MAGI1: variants seen among roughly 807,000 people sequenced by gnomAD.
The protein encoded by MAGI1 is membrane-associated guanylate kinase, WW and PDZ domain-containing protein 1.
A neutral mutation model predicts 139.9 loss-of-function variants in MAGI1; 58 were observed. The ratio of observed to expected loss-of-function variants is 0.41; its 90% CI spans 0.34 to 0.52. The LOEUF (loss-of-function observed/expected upper bound fraction) is 0.52. Among genes scored for constraint, MAGI1 ranks in the 20% least tolerant of loss-of-function variants. The pLI is 0.12. For synonymous variants in MAGI1, 812 were observed against 737.9 expected (o/e 1.10, Z -1.63); for missense variants, 1,874 against 1,901.6 (o/e 0.99, Z 0.27).
chr3:65,781,103 G>C (rs1357156774), intron 1 of MAGI1, among the ~76,000 whole-genome samples: 1 of 152,082 alleles, frequency 6.6e-6, no homozygotes, highest in Non-Finnish European at 1.5e-5. Flanking sequence ...GGCTGAGGCA[G>C]GAGAATTGCT....
chr3:65,672,655 T>C (rs2086935097), intron 1 of MAGI1, among the ~76,000 whole-genome samples: 1 of 152,184 alleles, frequency 6.6e-6, no homozygotes, highest in Non-Finnish European at 1.5e-5. Flanking sequence ...TGTCCTGGAT[T>C]ATGAAACCAC....
intron 12 of MAGI1, among the ~76,000 whole-genome samples, chr3:65,409,302 G>A (rs565303917): frequency 3.3e-4 from 50 of 152,308 alleles, no homozygotes; most frequent in African/African-American, 1.1e-3. Flanking sequence ...AGAGAAGGGA[G>A]CACTGTTGCT....
At chr3:65,563,385 G>T (rs1166902001) in intron 2 of MAGI1, among the ~76,000 whole-genome samples, 1 of 152,194 alleles carries the variant, frequency 6.6e-6, no homozygotes, top group Non-Finnish European at 1.5e-5. Flanking sequence ...TCAAGCTCCA[G>T]TGTAGTTAGT....
intron 2 of MAGI1, among the ~76,000 whole-genome samples, chr3:65,529,626 T>G (rs9837082): frequency 0.011 from 1,723 of 152,328 alleles, 31 homozygotes; most frequent in African/African-American, 0.039. Context: ...GACATTTAAG[T>G]TGTTTCCAAC....
At chr3:65,368,487 C>T (rs1242114063) in intron 18 of MAGI1, among the ~76,000 whole-genome samples, 1 of 152,212 alleles carries the variant, frequency 6.6e-6, no homozygotes. Context: ...ACAGCAGCTT[C>T]CATCTTGGGT....
At position 65,442,783 on chromosome 3, in the gene MAGI1, G is replaced by T. The variant is rs1948435750; in HGVS notation, c.1136+9C>A. 11 of 1,606,144 alleles carry T rather than the reference G, an allele frequency of 6.8e-6. No homozygotes were observed. The East Asian group carries it at 2.5e-4, about 36-fold the overall frequency. ...TAAACTAATGTGTGGATTGTGAATG[G>T]GCACTTACTCTACATAGTAGATACC... On this transcript the variant is annotated intron_variant, in intron 8 of 22. Transcript: ENST00000402939.
intron 2 of MAGI1, among the ~76,000 whole-genome samples, chr3:65,590,309 T>C (rs1415704618): frequency 6.6e-6 from 1 of 152,196 alleles, no homozygotes; most frequent in African/African-American, 2.4e-5. Flanking sequence ...CTTTGTATCT[T>C]TAACACCCAG....
chr3:65,772,677 A>G (rs2038053079), intron 1 of MAGI1, among the ~76,000 whole-genome samples: 2 of 152,244 alleles, frequency 1.3e-5, no homozygotes, highest in South Asian at 4.1e-4. Flanking sequence ...CAGCATAAGG[A>G]TAAGCTTCAT....
At chr3:65,406,559 G>A (rs964610301) in intron 12 of MAGI1, among the ~76,000 whole-genome samples, 9 of 152,136 alleles carry the variant, frequency 5.9e-5, no homozygotes, top group South Asian at 4.2e-4. Context: ...TGGGTCTCCC[G>A]ACTTCAGCAT....
At chr3:65,734,577 G>A (rs1191589623) in intron 1 of MAGI1, among the ~76,000 whole-genome samples, 1 of 150,928 alleles carries the variant, frequency 6.6e-6, no homozygotes. Flanking sequence ...GAGGGAGAGA[G>A]AGAGAGAGAG....
At chr3:65,425,121 A>C (rs1403585633) in intron 12 of MAGI1, among the ~76,000 whole-genome samples, 12 of 53,132 alleles carry the variant, frequency 2.3e-4, no homozygotes, top group Admixed American at 1.8e-3. Flanking sequence ...AAAAAAAAAA[A>C]AAAAAAAAAA....
intron 3 of MAGI1, among the ~76,000 whole-genome samples, chr3:65,492,959 T>G (rs4688237): frequency 0.24 from 35,857 of 151,256 alleles, 4,471 homozygotes; most frequent in Middle Eastern, 0.29. Flanking sequence ...GCGCCTGTAA[T>G]CCCAGCTACT....
chr3:65,548,083 C>A (rs2079589363), intron 2 of MAGI1, among the ~76,000 whole-genome samples: 1 of 152,192 alleles, frequency 6.6e-6, no homozygotes, highest in Non-Finnish European at 1.5e-5. Flanking sequence ...CCAGCAATAA[C>A]CAGCTCTGCA....
intron 1 of MAGI1, among the ~76,000 whole-genome samples, chr3:65,742,621 C>T (rs9826713): frequency 6.6e-6 from 1 of 152,104 alleles, no homozygotes; most frequent in Non-Finnish European, 1.5e-5. Flanking sequence ...TCCCCAGTGT[C>T]TGCTGGGGTG....
intron 18 of MAGI1, chr3:65,372,040 T>C (rs1233048613): frequency 1.7e-5 from 4 of 230,648 alleles, no homozygotes; most frequent in African/African-American, 2.3e-5. Context: ...GAATCATAAA[T>C]GTTCTTAATG....
At chr3:65,956,625 C>T (rs1237629457) in intron 1 of MAGI1, among the ~76,000 whole-genome samples, 12 of 152,054 alleles carry the variant, frequency 7.9e-5, no homozygotes, top group Admixed American at 7.2e-4. Flanking sequence ...TACCAAGCGC[C>T]GACAAGGACG....
chr3:65,955,244 G>A (rs1006103574), intron 1 of MAGI1, among the ~76,000 whole-genome samples: 4 of 152,170 alleles, frequency 2.6e-5, no homozygotes, highest in Admixed American at 6.5e-5. Context: ...GGTGGCTGAC[G>A]CCTGTAATCC....
intron 5 of MAGI1, among the ~76,000 whole-genome samples, chr3:65,461,219 A>C (rs1270811530): frequency 6.6e-6 from 1 of 151,616 alleles, no homozygotes; most frequent in Non-Finnish European, 1.5e-5. Context: ...TTATTTATTT[A>C]TTTATTTATT....
intron 1 of MAGI1, among the ~76,000 whole-genome samples, chr3:65,659,791 C>T (rs192638284): frequency 5.9e-5 from 9 of 152,276 alleles, no homozygotes; most frequent in Middle Eastern, 6.8e-3. Context: ...GTCCCACCGG[C>T]GTTTGGGGAC....
Sources: gnomAD v4.1 joint callset for allele counts (sites outside exome capture counted in the v4.1 genomes callset) on GRCh38, gnomAD v4.1.1 for gene constraint, MANE v1.5 for transcripts, NCBI Gene and HGNC (gene_info 2026-07-23, HGNC 2026-07-21) for gene names.